NUP214: variants seen among roughly 807,000 people sequenced by gnomAD.
The protein encoded by NUP214 is nucleoporin 214, also known as nuclear pore complex protein Nup214.
Under a neutral mutation model 196.2 loss-of-function variants are expected in NUP214, and 79 were observed. That is an observed-to-expected ratio of 0.40 (90% CI 0.34 to 0.49). The LOEUF (loss-of-function observed/expected upper bound fraction) is 0.49, where lower values mean the gene tolerates loss of function less well. NUP214 is among the 20% of genes least tolerant of loss of function. The pLI is 0.58. For missense variants in NUP214, 2,468 were observed against 2,539.0 expected, an observed-to-expected ratio of 0.97 and a Z score of 0.60; for synonymous variants, 1,020 against 990.5, an observed-to-expected ratio of 1.03 and a Z score of -0.56.
intron 14 of NUP214, among the ~76,000 whole-genome samples, chr9:131,148,701 G>C (rs925584676): frequency 9.2e-5 from 14 of 151,978 alleles, no homozygotes; most frequent in Non-Finnish European, 1.9e-4. Flanking sequence ...CTTTTATGTT[G>C]TGTCTGTTCA....
At chr9:131,142,777 G>A (rs1449705589) in intron 11 of NUP214, among the ~76,000 whole-genome samples, 5 of 152,116 alleles carry the variant, frequency 3.3e-5, no homozygotes, top group Admixed American at 6.6e-5. Context: ...CAGTTTACTT[G>A]GATTTTTGTT....
At chr9:131,170,990 C>T (rs1441856312) in intron 21 of NUP214, among the ~76,000 whole-genome samples, 1 of 152,112 alleles carries the variant, frequency 6.6e-6, no homozygotes, top group Non-Finnish European at 1.5e-5. Flanking sequence ...CCCACCCTCC[C>T]TGCCCTCAGT....
rs575846736 is a variant in NUP214, at chr9:131,146,205, T to C, written c.1846T>C (p.Ser616Pro). The C allele has an allele frequency of 3.1e-6, 5 of 1,614,110 alleles. No homozygotes were observed. Among genetic ancestry groups the C allele is most frequent in the African/African-American group, 1.3e-5 (1 of 75,018 alleles). Residue 616 changes from serine to proline, a missense_variant, in exon 13 of 36, where the codon TCC (serine) becomes CCC (proline). Transcript: ENST00000359428. The surrounding 1 kb of genome is among the most constrained non-coding windows in gnomAD (Gnocchi z 4.6). ...CCCGATGTCGCCATTCTCTTCTGCC[T>C]CCAAGCCAGCTGCTTCTGGACCACT... The part of the protein sequence containing the change: ...APPMSPFSSA[S>P]KPAASGPLSH...
At chr9:131,196,038 C>CCCT (rs1833778149) in intron 28 of NUP214, among the ~76,000 whole-genome samples, 1 of 36,086 alleles carries the variant, frequency 2.8e-5, no homozygotes, top group Non-Finnish European at 1.1e-4. Flanking sequence ...CCCCCCCCCC[C>CCCT]CGCGCCAAAA....
chr9:131,227,538 C>A lies in NUP214; in HGVS notation c.5903-622C>A, dbSNP rs117434342. Among the ~76,000 whole-genome samples the A allele has an allele frequency of 6.2e-4, 94 of 150,552 alleles. 1 individual carries two copies. Among genetic ancestry groups the A allele is most frequent in the Non-Finnish European group, 1.1e-3 (77 of 67,762 alleles). ...GAGAAAGGGAGACTCTGATGAGAGA[C>A]GTAGGAGCCATCAGGCTGTAAATAA... On this transcript the variant is annotated intron_variant, in intron 32 of 35. Coordinates refer to ENST00000359428, the MANE Select transcript of NUP214 (RefSeq NM_005085.4).
intron 30 of NUP214, among the ~76,000 whole-genome samples, chr9:131,203,331 A>G (rs575989068): frequency 2.0e-5 from 3 of 152,294 alleles, no homozygotes; most frequent in African/African-American, 7.2e-5. Context: ...CATTTAAGAG[A>G]TGAGGACACC....
chr9:131,195,914 A>T (rs555822670), intron 28 of NUP214, among the ~76,000 whole-genome samples: 13 of 147,920 alleles, frequency 8.8e-5, no homozygotes, highest in African/African-American at 3.2e-4. Flanking sequence ...AATCCCAGCT[A>T]CTCAGGAGGC....
intron 30 of NUP214, among the ~76,000 whole-genome samples, chr9:131,211,268 G>A (rs1276735527): frequency 6.6e-6 from 1 of 152,160 alleles, no homozygotes; most frequent in African/African-American, 2.4e-5. Flanking sequence ...AGGTTAGATG[G>A]TCAGGAAATG....
chr9:131,153,787 A>C (rs1216489855), intron 17 of NUP214, among the ~76,000 whole-genome samples: 1 of 152,232 alleles, frequency 6.6e-6, no homozygotes, highest in Non-Finnish European at 1.5e-5. Context: ...GTCTGACTCA[A>C]GAGCCTGTGC....
At chr9:131,220,294 A>G (rs897605569) in intron 31 of NUP214, among the ~76,000 whole-genome samples, 29 of 152,326 alleles carry the variant, frequency 1.9e-4, no homozygotes, top group Admixed American at 1.3e-4. Context: ...ACTAGAGACT[A>G]TGTTATTTTG....
At chr9:131,142,614 A>G (rs1442187717) in intron 11 of NUP214, among the ~76,000 whole-genome samples, 4 of 152,172 alleles carry the variant, frequency 2.6e-5, no homozygotes, top group African/African-American at 9.6e-5. Context: ...TCTGGTATAT[A>G]TTTTTCATGT....
intron 21 of NUP214, among the ~76,000 whole-genome samples, chr9:131,170,380 G>C (rs1039538007): frequency 6.6e-6 from 1 of 152,076 alleles, no homozygotes; most frequent in African/African-American, 2.4e-5. Context: ...GATTTTGATT[G>C]GAATTGTATT....
At chr9:131,219,694 G>GAGGACACTAAA (rs1834504501) in intron 31 of NUP214, among the ~76,000 whole-genome samples, 1 of 152,216 alleles carries the variant, frequency 6.6e-6, no homozygotes, top group African/African-American at 2.4e-5. Context: ...TGAGGACACT[G>GAGGACACTAAA]TGTAGGGCCA....
At position 131,196,024 on chromosome 9, in the gene NUP214, G is replaced by GTCCCTC. The variant is rs1243830598; in HGVS notation, c.3721+734_3721+735insTCTCCC. Among the ~76,000 whole-genome samples the GTCCCTC allele has an allele frequency of 1.8e-3, 6 of 3,394 alleles. 1 individual carries two copies. The highest frequency in any genetic ancestry group is 4.7e-3 in the Non-Finnish European group (5 of 1,070). The allele number at this position is 3,394 out of a possible 152,430, so 2.2% of individuals were successfully genotyped here. On this transcript the variant is annotated intron_variant, in intron 28 of 35. Transcript: ENST00000359428. Reference sequence around the variant, plus strand: ...GGGCAACAAGAGTGAAACTCTGTGTGTCCCCCCCCCCCCCCGCGCCAAAAA... The same window carrying GTCCCTC: ...GGGCAACAAGAGTGAAACTCTGTGTGTCCCTCTCCCCCCCCCCCCCCGCGCCAAAAA...
Position 131,128,350 on chromosome 9 carries a change from T to C in NUP214, c.260T>C (p.Leu87Ser). The change falls in exon 3 of 36, where the codon TTG becomes TCG. Residue 87 changes from leucine to serine, a missense_variant. By Grantham distance (145) the Leu-to-Ser change is moderately radical (BLOSUM62 -2). This residue lies in a region of NUP214 where 392 missense variants were observed against 417.9 expected (regional missense o/e 0.94). Coordinates refer to ENST00000359428, the MANE Select transcript of NUP214 (RefSeq NM_005085.4). ...PNKIVDKVQG[L>S]LVPMKFPIHH... ...TTCATAGTTGATAAAGTCCAAGGCT[T>C]GCTAGTTCCTATGAAATTCCCAATC... 6.2e-7 allele frequency: 1 copy of C among 1,612,940 alleles called. No individual in the cohort carries two copies. The highest frequency in any genetic ancestry group is 8.5e-7 in the Non-Finnish European group (1 of 1,179,304).
intron 9 of NUP214, 23 bp from the exon 10 acceptor site, chr9:131,139,252 CTTCTTT>C (rs1831834553): frequency 2.4e-6 from 3 of 1,235,904 alleles, no homozygotes; most frequent in African/African-American, 1.7e-5. Context: ...TCTTCTTCTT[CTTCTTT>C]TTTTTTTTTT....
chr9:131,156,548 T>G (rs1832451784), intron 17 of NUP214, among the ~76,000 whole-genome samples: 1 of 152,026 alleles, frequency 6.6e-6, no homozygotes, highest in Non-Finnish European at 1.5e-5. Flanking sequence ...TGGTTAGGTA[T>G]ATTCCTAAGT....
chr9:131,212,424 T>A (rs544793736), intron 30 of NUP214, among the ~76,000 whole-genome samples: 2 of 152,320 alleles, frequency 1.3e-5, no homozygotes, highest in East Asian at 3.9e-4. Context: ...CCATAATAAC[T>A]TACTGGTTTT....
intron 23 of NUP214, among the ~76,000 whole-genome samples, chr9:131,177,545 G>A (rs1833152268): frequency 6.6e-6 from 1 of 152,052 alleles, no homozygotes; most frequent in African/African-American, 2.4e-5. Flanking sequence ...AAGATGTTCT[G>A]GTCACTTCTT....
Sources: allele counts gnomAD v4.1 joint callset (sites outside exome capture counted in the v4.1 genomes callset), GRCh38; gene constraint gnomAD v4.1.1; regional missense constraint gnomAD v4.1.1; non-coding constraint Gnocchi (gnomAD v3.1); transcripts MANE v1.5; gene names NCBI Gene and HGNC (gene_info 2026-07-23, HGNC 2026-07-21).